Variants in CCDC7 observed in about 807,000 individuals in gnomAD.
The protein encoded by CCDC7 is coiled-coil domain-containing protein 7.
CCDC7 carries 183 observed loss-of-function variants against 196.9 expected under a neutral mutation model. The ratio of observed to expected loss-of-function variants is 0.93; its 90% CI spans 0.82 to 1.05. The LOEUF (loss-of-function observed/expected upper bound fraction) is 1.05. Among genes scored for constraint, CCDC7 ranks in the 50% least tolerant of loss-of-function variants. CCDC7 has a pLI of 0.00. For synonymous variants in CCDC7, 525 were observed against 484.6 expected, an observed-to-expected ratio of 1.08 and a Z score of -1.10; for missense variants, 1,540 against 1,482.2, an observed-to-expected ratio of 1.04 and a Z score of -0.64.
At chr10:32,597,620 C>G (rs1171916546) in intron 18 of CCDC7, among the ~76,000 whole-genome samples, 2 of 152,212 alleles carry the variant, frequency 1.3e-5, no homozygotes, top group Non-Finnish European at 1.5e-5. Context: ...GAATATTCAG[C>G]TTTTCTGCTC....
intron 24 of CCDC7, among the ~76,000 whole-genome samples, chr10:32,707,334 GCTCTCTATGACAAAC>G (rs1446113607): frequency 6.6e-6 from 1 of 152,100 alleles, no homozygotes; most frequent in Non-Finnish European, 1.5e-5. Flanking sequence ...AATAGTAAGA[GCTCTCTATGACAAAC>G]CCACAGCCAA....
At chr10:32,511,257 G>GGGGGGA in intron 9 of CCDC7, 1 of 658,790 alleles carries the variant, frequency 1.5e-6, no homozygotes, top group Non-Finnish European at 2.5e-6. Context: ...TATTCTGTGG[G>GGGGGGA]GGGCGGGGGG....
chr10:32,875,225 T>C (rs545862027), intron 41 of CCDC7, among the ~76,000 whole-genome samples: 1 of 152,184 alleles, frequency 6.6e-6, no homozygotes, highest in South Asian at 2.1e-4. Flanking sequence ...ATGTCCAGAA[T>C]GGCATTGCCT....
chr10:32,500,189 C>T (rs1435912012), intron 9 of CCDC7, among the ~76,000 whole-genome samples: 3 of 148,038 alleles, frequency 2.0e-5, no homozygotes, highest in Admixed American at 2.0e-4. Context: ...TGGGCAGAGG[C>T]GCCCCCCACC....
chr10:32,462,759 C>A, intron 4 of CCDC7, 56 bp downstream of exon 5: 1 of 1,405,454 alleles, frequency 7.1e-7, no homozygotes, highest in South Asian at 1.4e-5. Context: ...GAAATACATG[C>A]CAATGAAGAA....
At chr10:32,681,341 T>C (rs2075822666) in intron 21 of CCDC7, among the ~76,000 whole-genome samples, 1 of 152,106 alleles carries the variant, frequency 6.6e-6, no homozygotes, top group Non-Finnish European at 1.5e-5. Context: ...AAAGTTTCTT[T>C]AAGGATTTCC....
At chr10:32,748,716 G>C (rs1222985876) in intron 28 of CCDC7, among the ~76,000 whole-genome samples, 1 of 152,118 alleles carries the variant, frequency 6.6e-6, no homozygotes, top group Non-Finnish European at 1.5e-5. Context: ...TCTTATGTGG[G>C]GCAGGATGGC....
At chr10:32,468,446 C>T (rs1028822893) in intron 5 of CCDC7, among the ~76,000 whole-genome samples, 5 of 152,110 alleles carry the variant, frequency 3.3e-5, no homozygotes, top group Admixed American at 2.0e-4. Flanking sequence ...CTTGAGACTT[C>T]GCTGAGGCTG....
At chr10:32,453,912 T>C (rs1406564231) in intron 2 of CCDC7, among the ~76,000 whole-genome samples, 1 of 152,216 alleles carries the variant, frequency 6.6e-6, no homozygotes, top group Admixed American at 6.5e-5. Flanking sequence ...TTATAGAAGT[T>C]TCGTTCGTAA....
intron 16 of CCDC7, among the ~76,000 whole-genome samples, chr10:32,576,087 T>G (rs1471046042): frequency 6.6e-6 from 1 of 152,134 alleles, no homozygotes; most frequent in Non-Finnish European, 1.5e-5. Context: ...GGGTCAGATA[T>G]GTTCACATCT....
chr10:32,873,757 G>T (rs938243165), intron 41 of CCDC7, among the ~76,000 whole-genome samples: 3 of 151,780 alleles, frequency 2.0e-5, no homozygotes, highest in African/African-American at 7.3e-5. Flanking sequence ...TAGTGGAATT[G>T]CCGGGTTGTG....
intron 28 of CCDC7, among the ~76,000 whole-genome samples, chr10:32,753,510 G>A (rs1406777671): frequency 3.3e-5 from 5 of 152,090 alleles, no homozygotes; most frequent in Non-Finnish European, 5.9e-5. Flanking sequence ...AAGACATGGA[G>A]TAACTGCCTA....
chr10:32,718,269 C>T (rs746955778), intron 25 of CCDC7, among the ~76,000 whole-genome samples: 2 of 152,110 alleles, frequency 1.3e-5, no homozygotes, highest in Non-Finnish European at 2.9e-5. Flanking sequence ...ATAAACAGAA[C>T]CAATGACAAA....
chr10:32,664,295 T>G (rs1206627828), intron 21 of CCDC7, 134 bp downstream of exon 22: 1 of 358,928 alleles, frequency 2.8e-6, no homozygotes, highest in Non-Finnish European at 5.0e-6. Context: ...AATTGTGGAA[T>G]TTAAATATAA....
intron 16 of CCDC7, among the ~76,000 whole-genome samples, chr10:32,575,227 TTTTG>T (rs1446285396): frequency 1.3e-5 from 2 of 152,172 alleles, no homozygotes; most frequent in Admixed American, 6.5e-5. Context: ...TGTTAAAATA[TTTTG>T]TTTCTTTTCA....
At chr10:32,798,331 G>T (rs2084051492) in intron 29 of CCDC7, among the ~76,000 whole-genome samples, 1 of 152,204 alleles carries the variant, frequency 6.6e-6, no homozygotes, top group South Asian at 2.1e-4. Context: ...ATCAGCCTTG[G>T]TGAGTGGAAG....
chr10:32,793,957 T>C (rs1026112439), intron 29 of CCDC7, among the ~76,000 whole-genome samples: 2 of 152,224 alleles, frequency 1.3e-5, no homozygotes, highest in African/African-American at 2.4e-5. Flanking sequence ...CTTCAAAGTT[T>C]CCTGTTTTTC....
exon 2 of CCDC7, chr10:32,453,431 T>G: frequency 6.5e-7 from 1 of 1,532,226 alleles, no homozygotes; most frequent in Non-Finnish European, 8.8e-7. Context: ...AGAATTATCT[T>G]TATCTGTAAG....
intron 13 of CCDC7, among the ~76,000 whole-genome samples, chr10:32,553,333 A>G (rs775654219): frequency 1.3e-5 from 2 of 151,530 alleles, no homozygotes; most frequent in Non-Finnish European, 2.9e-5. Context: ...TTGTTGTATC[A>G]TTTTTTGGAT....
Sources: allele counts gnomAD v4.1 joint callset (sites outside exome capture counted in the v4.1 genomes callset), GRCh38; gene constraint gnomAD v4.1.1; transcripts MANE v1.5; gene names NCBI Gene and HGNC (gene_info 2026-07-23, HGNC 2026-07-21).